Variants in LINGO2 observed in about 807,000 individuals in gnomAD.
LINGO2 encodes the protein leucine rich repeat and Ig domain containing 2, also known as leucine-rich repeat and immunoglobulin-like domain-containing nogo receptor-interacting protein 2.
Under a neutral mutation model 30.6 loss-of-function variants are expected in LINGO2, and 14 were observed. The ratio of observed to expected loss-of-function variants is 0.46; its 90% confidence interval spans 0.30 to 0.72. The LOEUF (loss-of-function observed/expected upper bound fraction) is 0.72, where lower values mean the gene tolerates loss of function less well. LINGO2 is among the 30% of genes least tolerant of loss of function. The pLI, the probability that LINGO2 is intolerant of heterozygous loss-of-function variation, is 0.07. For synonymous variants in LINGO2, 317 were observed against 288.5 expected (o/e 1.10, Z -1.00); for missense variants, 729 against 751.7 (o/e 0.97, Z 0.35).
At chr9:28,677,452 G>C in the LINGO2 span, among the ~76,000 whole-genome samples, 1 of 152,108 alleles carries the variant, frequency 6.6e-6, no homozygotes, top group African/African-American at 2.4e-5. Context: ...CTAAGACAAA[G>C]CAAGCCAGTA....
chr9:28,591,830 T>C (rs982949419), intron 1 of LINGO2, among the ~76,000 whole-genome samples: 3 of 152,036 alleles, frequency 2.0e-5, no homozygotes, highest in African/African-American at 7.2e-5. Flanking sequence ...CCAATACTAC[T>C]GTCTTGGAAA....
intron 2 of LINGO2, among the ~76,000 whole-genome samples, chr9:28,425,327 G>GTTTA (rs36056351): frequency 0.14 from 17,441 of 124,480 alleles, 1,198 homozygotes; most frequent in East Asian, 0.31. Context: ...ATATGTGTGT[G>GTTTA]TGTATATATA....
the LINGO2 span, among the ~76,000 whole-genome samples, chr9:28,688,739 A>C: frequency 6.6e-6 from 1 of 152,198 alleles, no homozygotes; most frequent in African/African-American, 2.4e-5. Flanking sequence ...AAGCTGAATA[A>C]AAAGGAATCT....
intron 4 of LINGO2, among the ~76,000 whole-genome samples, chr9:28,085,666 G>A (rs1825889394): frequency 6.6e-6 from 1 of 152,002 alleles, no homozygotes; most frequent in Admixed American, 6.6e-5. Flanking sequence ...ATATTCCAGC[G>A]ATCCCAGAGA....
chr9:29,211,795 C>A, the LINGO2 span, among the ~76,000 whole-genome samples: 1 of 152,152 alleles, frequency 6.6e-6, no homozygotes, highest in Non-Finnish European at 1.5e-5. Flanking sequence ...AAAGCGGGCA[C>A]AGCAGGTCCC....
chr9:28,602,668 G>T (rs1209600536), intron 1 of LINGO2, among the ~76,000 whole-genome samples: 4 of 151,954 alleles, frequency 2.6e-5, no homozygotes, highest in Non-Finnish European at 5.9e-5. Context: ...TTTATTCTAA[G>T]AAGCTATTCA....
chr9:28,328,832 T>C (rs1825320846), intron 3 of LINGO2, among the ~76,000 whole-genome samples: 1 of 152,166 alleles, frequency 6.6e-6, no homozygotes. Flanking sequence ...CATACATTGA[T>C]CAGGTTACAA....
chr9:28,584,492 C>T (rs771343753), intron 1 of LINGO2, among the ~76,000 whole-genome samples: 14 of 151,988 alleles, frequency 9.2e-5, no homozygotes, highest in South Asian at 4.1e-4. Context: ...AAAAGAAGAG[C>T]GGTGTTATTG....
intron 5 of LINGO2, among the ~76,000 whole-genome samples, chr9:27,963,475 T>G (rs1214282184): frequency 6.6e-6 from 1 of 152,194 alleles, no homozygotes; most frequent in Non-Finnish European, 1.5e-5. Context: ...AGATCATGGT[T>G]GTTGTATGTT....
the LINGO2 span, among the ~76,000 whole-genome samples, chr9:29,110,402 G>A: frequency 1.3e-5 from 2 of 151,958 alleles, no homozygotes; most frequent in East Asian, 1.9e-4. Context: ...ATTCGATCTC[G>A]GCTCACTGCA....
the LINGO2 span, among the ~76,000 whole-genome samples, chr9:28,967,675 A>AT: frequency 6.6e-6 from 1 of 152,146 alleles, no homozygotes; most frequent in African/African-American, 2.4e-5. Context: ...TTGACTCTAG[A>AT]TATCTAAGGG....
the LINGO2 span, among the ~76,000 whole-genome samples, chr9:29,106,124 C>G: frequency 2.0e-5 from 3 of 152,170 alleles, no homozygotes; most frequent in South Asian, 6.2e-4. Flanking sequence ...AAAACTAATA[C>G]AGGAAGGGAT....
chr9:29,012,277 G>C, the LINGO2 span, among the ~76,000 whole-genome samples: 25,796 of 151,864 alleles, frequency 0.17, 2,284 homozygotes, highest in East Asian at 0.28. Context: ...AACATAGCTT[G>C]AACCCACAAG....
the LINGO2 span, among the ~76,000 whole-genome samples, chr9:28,757,922 A>G: frequency 6.6e-6 from 1 of 152,062 alleles, no homozygotes; most frequent in African/African-American, 2.4e-5. Flanking sequence ...GCCCTGGGCT[A>G]TAACCATCAA....
intron 2 of LINGO2, among the ~76,000 whole-genome samples, chr9:28,397,187 A>T (rs544172488): frequency 9.4e-4 from 143 of 151,952 alleles, no homozygotes; most frequent in African/African-American, 3.2e-3. Context: ...AATATGTATA[A>T]CTCCTACTAA....
the LINGO2 span, among the ~76,000 whole-genome samples, chr9:28,757,023 A>G: frequency 6.6e-6 from 1 of 152,040 alleles, no homozygotes; most frequent in African/African-American, 2.4e-5. Context: ...TATAACAGTG[A>G]TTATTAGTAG....
intron 1 of LINGO2, among the ~76,000 whole-genome samples, chr9:28,663,608 A>T (rs552339013): frequency 6.6e-6 from 1 of 152,208 alleles, no homozygotes; most frequent in African/African-American, 2.4e-5. Flanking sequence ...GCAAACCAAA[A>T]ACTGGAATAA....
At chr9:28,649,479 T>C (rs1164388976) in intron 1 of LINGO2, among the ~76,000 whole-genome samples, 1 of 152,132 alleles carries the variant, frequency 6.6e-6, no homozygotes, top group Non-Finnish European at 1.5e-5. Flanking sequence ...ACCTGAAACT[T>C]AGATTGCCCT....
the LINGO2 span, among the ~76,000 whole-genome samples, chr9:28,896,765 A>G: frequency 1.3e-5 from 2 of 152,148 alleles, no homozygotes; most frequent in Non-Finnish European, 2.9e-5. Flanking sequence ...CTTGTATCAT[A>G]TTAATATGAG....
Sources: allele counts gnomAD v4.1 joint callset (sites outside exome capture counted in the v4.1 genomes callset), GRCh38; gene constraint gnomAD v4.1.1; transcripts MANE v1.5; gene names NCBI Gene and HGNC (gene_info 2026-07-23, HGNC 2026-07-21).